AMPD3: variants seen among roughly 807,000 people sequenced by gnomAD.
AMPD3 encodes the protein AMP deaminase 3.
Under a neutral mutation model 82.3 loss-of-function variants are expected in AMPD3, and 57 were observed. That is an observed-to-expected ratio of 0.69 (90% CI 0.56 to 0.86). AMPD3 has a LOEUF of 0.86. AMPD3 is among the 40% of genes least tolerant of loss of function. The pLI is 0.00. For synonymous variants in AMPD3, 381 were observed against 394.7 expected, an observed-to-expected ratio of 0.97 and a Z score of 0.41; for missense variants, 870 against 1,003.8, an observed-to-expected ratio of 0.87 and a Z score of 1.80.
intron 2 of AMPD3, among the ~76,000 whole-genome samples, chr11:10,462,221 G>T (rs1302216032): frequency 6.6e-6 from 1 of 152,190 alleles, no homozygotes; most frequent in African/African-American, 2.4e-5. Context: ...AATAAGTGCT[G>T]TATCAGTCAG....
chr11:10,463,423 T>C (rs1848328897), intron 2 of AMPD3, among the ~76,000 whole-genome samples: 1 of 152,140 alleles, frequency 6.6e-6, no homozygotes, highest in African/African-American at 2.4e-5. Flanking sequence ...GCCCCAGCAG[T>C]GTGCTCATCC....
chr11:10,503,900 T>C (rs1849643860), intron 13 of AMPD3: 1 of 968,718 alleles, frequency 1.0e-6, no homozygotes, highest in Admixed American at 6.1e-5. Flanking sequence ...GTCCTTGACC[T>C]GTACTTCGAG....
intron 1 of AMPD3, chr11:10,455,813 G>A: frequency 1.4e-6 from 1 of 738,970 alleles, no homozygotes; most frequent in Non-Finnish European, 1.7e-6. Flanking sequence ...GTGCCCTTGG[G>A]AGGGCTGCTT....
intron 10 of AMPD3, among the ~76,000 whole-genome samples, chr11:10,497,355 C>A (rs10840428): frequency 0.36 from 54,882 of 151,900 alleles, 10,002 homozygotes; most frequent in East Asian, 0.39. Context: ...GAGGCCCTCA[C>A]ACCATGTGTG....
At chr11:10,465,394 T>C (rs1212223916) in intron 2 of AMPD3, among the ~76,000 whole-genome samples, 1 of 148,352 alleles carries the variant, frequency 6.7e-6, no homozygotes, top group African/African-American at 2.5e-5. Flanking sequence ...AAAAATTGAT[T>C]TTTAAAAAAT....
intron 4 of AMPD3, among the ~76,000 whole-genome samples, chr11:10,483,630 G>T (rs1848980378): frequency 6.6e-6 from 1 of 152,232 alleles, no homozygotes; most frequent in Non-Finnish European, 1.5e-5. Context: ...CTTCACCCGG[G>T]CCTTGAACTG....
chr11:10,493,483 G>A lies in AMPD3; in HGVS notation c.1074G>A (p.Val358=). ...KRGRKITLRQ[V]FDGLHMDPYD... is the part of the protein sequence containing the mutation. ...GCCGGAAGATCACCCTGCGGCAGGT[G>A]TTTGACGGCCTGCACATGGACCCCT... Residue 358 remains valine, a synonymous_variant, in exon 7 of 15, where the codon GTG becomes GTA. Coordinates refer to ENST00000396553, the MANE Select transcript of AMPD3 (RefSeq NM_001025389.2). 6.2e-7 allele frequency: 1 copy of A among 1,614,222 alleles called. No homozygotes were observed. The highest frequency in any genetic ancestry group is 8.5e-7 in the Non-Finnish European group (1 of 1,180,046).
At chr11:10,479,386 C>T (rs1261871666) in intron 3 of AMPD3, among the ~76,000 whole-genome samples, 1 of 152,256 alleles carries the variant, frequency 6.6e-6, no homozygotes, top group African/African-American at 2.4e-5. Context: ...CAACTCACTA[C>T]TTAACGCCTC....
upstream of AMPD3, among the ~76,000 whole-genome samples, chr11:10,451,876 T>C (rs1847972665): frequency 6.6e-6 from 1 of 152,184 alleles, no homozygotes; most frequent in Non-Finnish European, 1.5e-5. Flanking sequence ...TGTGCAGCAC[T>C]AAGGCCGAGT....
At chr11:10,469,875 C>T (rs1402092909) in intron 2 of AMPD3, among the ~76,000 whole-genome samples, 1 of 151,860 alleles carries the variant, frequency 6.6e-6, no homozygotes, top group Non-Finnish European at 1.5e-5. Context: ...CCCGTCTCTA[C>T]TAAAAATACA....
intron 10 of AMPD3, chr11:10,497,490 C>T (rs899358678): frequency 6.3e-5 from 53 of 844,638 alleles, no homozygotes; most frequent in Admixed American, 1.2e-4. Context: ...TCCCACCCTC[C>T]GGATGCCTGG....
chr11:10,478,107 G>T, intron 2 of AMPD3: 1 of 985,362 alleles, frequency 1.0e-6, no homozygotes. Context: ...TCATATGTTG[G>T]GACTGAGAGT....
At chr11:10,496,664 A>G in intron 9 of AMPD3, 148 bp from the exon 10 acceptor site, 1 of 1,477,930 alleles carries the variant, frequency 6.8e-7, no homozygotes, top group Non-Finnish European at 9.2e-7. Flanking sequence ...AGGAGGACAG[A>G]GGAGGGATCT....
Position 10,484,974 on chromosome 11 carries a change from C to T in AMPD3, c.744C>T (p.Tyr248=), listed in dbSNP as rs1463064649. The T allele has an allele frequency of 1.9e-6, 3 of 1,608,318 alleles. No individual in the cohort carries two copies. Among genetic ancestry groups the T allele is most frequent in the South Asian group, 2.2e-5 (2 of 90,766 alleles). Residue 248 remains tyrosine, a synonymous_variant, in exon 5 of 15, where the codon TAC becomes TAT. Transcript: ENST00000396553. The part of the protein sequence containing the change: ...LEHQEPHSLP[Y]PDLETYTVDM... Reference sequence around the variant, plus strand: ...ACCAGGAGCCGCACAGCCTACCCTACCCCGACCTGGAGACCTACACGGTGG... The same window carrying T: ...ACCAGGAGCCGCACAGCCTACCCTATCCCGACCTGGAGACCTACACGGTGG...
upstream of AMPD3, chr11:10,455,025 G>A (rs1264298708): frequency 6.1e-6 from 3 of 493,110 alleles, no homozygotes; most frequent in African/African-American, 6.3e-5. Context: ...TGTGCACACA[G>A]GAATTATGAT....
At chr11:10,473,809 G>A (rs1848661455) in intron 2 of AMPD3, among the ~76,000 whole-genome samples, 1 of 152,196 alleles carries the variant, frequency 6.6e-6, no homozygotes, top group Admixed American at 6.5e-5. Context: ...GGGGCAGCGT[G>A]AGCAGCAGCA....
intron 11 of AMPD3, chr11:10,500,717 C>G (rs931898025): frequency 1.0e-6 from 1 of 985,040 alleles, no homozygotes; most frequent in Non-Finnish European, 1.2e-6. Context: ...AGGCATTGCC[C>G]TGGGCACTGG....
intron 1 of AMPD3, among the ~76,000 whole-genome samples, chr11:10,457,855 A>G (rs1449718214): frequency 6.6e-6 from 1 of 152,184 alleles, no homozygotes; most frequent in Non-Finnish European, 1.5e-5. Flanking sequence ...TGATTGTGCC[A>G]CTGCACTCCA....
chr11:10,472,778 T>G (rs958420074), intron 2 of AMPD3, among the ~76,000 whole-genome samples: 3 of 151,652 alleles, frequency 2.0e-5, no homozygotes, highest in African/African-American at 7.3e-5. Flanking sequence ...CTGAGGCGGG[T>G]GGATCACCTG....
Sources: allele counts gnomAD v4.1 joint callset (sites outside exome capture counted in the v4.1 genomes callset), GRCh38; gene constraint gnomAD v4.1.1; transcripts MANE v1.5; gene names NCBI Gene and HGNC (gene_info 2026-07-23, HGNC 2026-07-21).